ACACA: variants seen among roughly 807,000 people sequenced by gnomAD.
ACACA encodes the protein acetyl-CoA carboxylase 1.
A neutral mutation model predicts 296.1 loss-of-function variants in ACACA; 103 were observed. That is an observed-to-expected ratio of 0.35 (90% CI 0.30 to 0.41). ACACA has a LOEUF of 0.41. ACACA is among the 10% of genes least tolerant of loss of function. The pLI is 1.00. For synonymous variants in ACACA, 953 were observed against 1,038.6 expected, an observed-to-expected ratio of 0.92 and a Z score of 1.58; for missense variants, 1,554 against 2,989.7, an observed-to-expected ratio of 0.52 and a Z score of 11.20.
At chr17:37,229,382 C>A (rs1053470179) in intron 25 of ACACA, among the ~76,000 whole-genome samples, 1 of 151,856 alleles carries the variant, frequency 6.6e-6, no homozygotes, top group African/African-American at 2.4e-5. Flanking sequence ...TGGCTCACTG[C>A]AAGCTCCGCC....
chr17:37,268,281 T>C (rs1307316958), intron 10 of ACACA, among the ~76,000 whole-genome samples: 2 of 152,234 alleles, frequency 1.3e-5, no homozygotes, highest in Non-Finnish European at 2.9e-5. Context: ...TTTTAAGTTC[T>C]GGATGTTATC....
At position 37,322,345 on chromosome 17, in the gene ACACA, G is replaced by A. The variant is rs193110291; in HGVS notation, c.338+7828C>T. On this transcript the variant is annotated intron_variant, in intron 3 of 55. Coordinates refer to ENST00000616317, the MANE Select transcript of ACACA (RefSeq NM_198834.3). Reference sequence around the variant, plus strand: ...TCAGATAAAGTTGTTAACCAAACATGCTTCATTTTATGTTAACCATAAAAT... The same window carrying A: ...TCAGATAAAGTTGTTAACCAAACATACTTCATTTTATGTTAACCATAAAAT... 7.9e-5 allele frequency among the ~76,000 whole-genome samples: 12 copies of A among 152,220 alleles called. No homozygotes were observed. The East Asian group carries it at 1.9e-3, about 24-fold the overall frequency.
chr17:37,394,341 G>C (rs372995735), intron 1 of ACACA, among the ~76,000 whole-genome samples: 3 of 151,790 alleles, frequency 2.0e-5, no homozygotes, highest in African/African-American at 7.2e-5. Flanking sequence ...CTCCCCAGTA[G>C]CTGGGATTAC....
At chr17:37,099,574 C>CA (rs2073221713) in intron 52 of ACACA, among the ~76,000 whole-genome samples, 1 of 80,436 alleles carries the variant, frequency 1.2e-5, no homozygotes, top group African/African-American at 6.7e-5. Flanking sequence ...GGGCTGATGG[C>CA]GGGAGGGCTG....
intron 3 of ACACA, among the ~76,000 whole-genome samples, chr17:37,294,634 C>G (rs2083242415): frequency 6.6e-6 from 1 of 152,216 alleles, no homozygotes; most frequent in South Asian, 2.1e-4. Flanking sequence ...TTGACACATG[C>G]AACTCCATCC....
chr17:37,397,821 T>C (rs1210381628), intron 1 of ACACA, among the ~76,000 whole-genome samples: 1 of 152,076 alleles, frequency 6.6e-6, no homozygotes, highest in Non-Finnish European at 1.5e-5. Context: ...TAGCAACAGG[T>C]GCACCTTGGA....
At chr17:37,107,390 C>G (rs553218938) in intron 52 of ACACA, among the ~76,000 whole-genome samples, 2 of 152,360 alleles carry the variant, frequency 1.3e-5, no homozygotes, top group South Asian at 2.1e-4. Flanking sequence ...GCCCAGGGAA[C>G]AGTCCTTTTC....
intron 3 of ACACA, among the ~76,000 whole-genome samples, chr17:37,289,051 T>C (rs1390465670): frequency 2.0e-5 from 3 of 151,914 alleles, no homozygotes; most frequent in African/African-American, 7.3e-5. Context: ...TCACTTGAGG[T>C]CAGGAGTTCG....
At chr17:37,099,515 A>AGGGAT (rs2073204774) in intron 52 of ACACA, among the ~76,000 whole-genome samples, 3 of 91,640 alleles carry the variant, frequency 3.3e-5, no homozygotes, top group Admixed American at 1.2e-4. Flanking sequence ...GGCTGATAGC[A>AGGGAT]GGAGGGCTGA....
chr17:37,394,470 C>T (rs2051006063), intron 1 of ACACA, among the ~76,000 whole-genome samples: 1 of 151,966 alleles, frequency 6.6e-6, no homozygotes, highest in African/African-American at 2.4e-5. Flanking sequence ...GTCGGCCTCA[C>T]AAAGTGCTGG....
chr17:37,193,574 G>A (rs754416235), intron 35 of ACACA, 159 bp from the exon 36 acceptor site: 40 of 535,702 alleles, frequency 7.5e-5, no homozygotes, highest in Non-Finnish European at 9.8e-5. Context: ...ATGATCCTCC[G>A]CATAACCATC....
chr17:37,331,327 C>A (rs1457111612), intron 2 of ACACA, among the ~76,000 whole-genome samples: 1 of 151,802 alleles, frequency 6.6e-6, no homozygotes, highest in Non-Finnish European at 1.5e-5. Context: ...CCGTGTTAGC[C>A]AGGATGGTCT....
At chr17:37,244,942 C>G in intron 20 of ACACA, 138 bp downstream of exon 20, 1 of 1,396,334 alleles carries the variant, frequency 7.2e-7, no homozygotes, top group Non-Finnish European at 1.0e-6. Context: ...ACTACAGGCA[C>G]AAATACAAGG....
intron 3 of ACACA, chr17:37,299,396 G>A (rs1404847206): frequency 3.1e-6 from 5 of 1,612,812 alleles, no homozygotes; most frequent in Admixed American, 1.7e-5. Context: ...ACAAGCCGCA[G>A]TTCCTCCTCC....
chr17:37,178,390 T>A (rs1417655140), intron 41 of ACACA, among the ~76,000 whole-genome samples: 1 of 152,202 alleles, frequency 6.6e-6, no homozygotes, highest in Non-Finnish European at 1.5e-5. Context: ...AACACATTTA[T>A]CATGCTCACA....
At chr17:37,090,844 T>C (rs1301017524) in intron 54 of ACACA, among the ~76,000 whole-genome samples, 3 of 151,910 alleles carry the variant, frequency 2.0e-5, no homozygotes, top group Non-Finnish European at 4.4e-5. Context: ...TCAGGACTTC[T>C]ACACATACCC....
At chr17:37,235,458 G>C (rs1294151349) in intron 24 of ACACA, among the ~76,000 whole-genome samples, 2 of 152,102 alleles carry the variant, frequency 1.3e-5, no homozygotes, top group Admixed American at 6.5e-5. Context: ...TCAAACCCCA[G>C]TCTTACTCTA....
At chr17:37,224,508 C>G (rs79044852) in intron 27 of ACACA, among the ~76,000 whole-genome samples, 4 of 152,184 alleles carry the variant, frequency 2.6e-5, no homozygotes, top group Non-Finnish European at 5.9e-5. Flanking sequence ...CTCTTAAAAA[C>G]GGGCTTCTTA....
chr17:37,232,177 C>G (rs149915870), intron 25 of ACACA, among the ~76,000 whole-genome samples: 1 of 152,242 alleles, frequency 6.6e-6, no homozygotes, highest in Non-Finnish European at 1.5e-5. Flanking sequence ...CATTGACTCA[C>G]GGAAGCCTGA....
Sources: allele counts gnomAD v4.1 joint callset (sites outside exome capture counted in the v4.1 genomes callset), GRCh38; gene constraint gnomAD v4.1.1; transcripts MANE v1.5; gene names NCBI Gene and HGNC (gene_info 2026-07-23, HGNC 2026-07-21).